The following CHST8 variants were observed in gnomAD, a reference collection of about 807,000 sequenced individuals.
CHST8 encodes the protein carbohydrate sulfotransferase 8.
In CHST8, 10 loss-of-function variants were observed where a neutral mutation model predicts 15.0. The ratio of observed to expected loss-of-function variants is 0.67; its 90% confidence interval spans 0.41 to 1.13. CHST8 has a LOEUF of 1.13. CHST8 is among the 50% of genes most tolerant of loss of function. The pLI is 0.00. For missense variants in CHST8, 634 were observed against 608.2 expected (o/e 1.04, Z -0.45); for synonymous variants, 259 against 256.6 (o/e 1.01, Z -0.09).
intron 2 of CHST8, 45 bp from the exon 3 acceptor site, chr19:33,689,131 G>A: frequency 1.8e-6 from 2 of 1,127,512 alleles, no homozygotes; most frequent in African/African-American, 1.6e-5. Context: ...CACCTGCCCG[G>A]GTGCCTCGCG....
chr19:33,768,037 C>G (rs1974886664), intron 3 of CHST8, among the ~76,000 whole-genome samples: 1 of 152,166 alleles, frequency 6.6e-6, no homozygotes, highest in Non-Finnish European at 1.5e-5. Context: ...CTGTACTTCC[C>G]TGAGCGCTGA....
intron 3 of CHST8, among the ~76,000 whole-genome samples, chr19:33,763,406 C>T (rs1974774385): frequency 6.6e-6 from 1 of 152,202 alleles, no homozygotes; most frequent in Non-Finnish European, 1.5e-5. Context: ...GTGTGTCTGG[C>T]CTGACTGCTG....
chr19:33,773,081 C>T lies in CHST8; in HGVS notation c.*18C>T, dbSNP rs751182326. 1.5e-5 allele frequency: 24 copies of T among 1,571,486 alleles called. 1 individual carries two copies. Among genetic ancestry groups the T allele is most frequent in the South Asian group, 1.0e-4 (9 of 86,764 alleles). ...TGTACTGAGGGGCGCCGCAGCTGGC[C>T]GGGGCCGCCCTGCCCCGGTCACTCA... On this transcript the variant is annotated 3_prime_UTR_variant, in exon 5 of 5. Transcript: ENST00000650847.
chr19:33,716,646 A>C lies in CHST8; in HGVS notation c.130+27255A>C, dbSNP rs117023183. On this transcript the variant is annotated intron_variant, in intron 3 of 4. Transcript: ENST00000650847. Reference sequence around the variant, plus strand: ...GCCTCTCAAGGTGCTGGAATTACAGATGTGAGCCACCACACCCAGCCACCT... The same window carrying C: ...GCCTCTCAAGGTGCTGGAATTACAGCTGTGAGCCACCACACCCAGCCACCT... Among the ~76,000 whole-genome samples, 133 of 152,250 alleles carry C rather than the reference A, an allele frequency of 8.7e-4. 1 individual carries two copies. In the East Asian group the frequency reaches 0.024, roughly 28 times the overall value.
intron 2 of CHST8, among the ~76,000 whole-genome samples, chr19:33,685,403 T>C (rs12460026): frequency 6.6e-6 from 1 of 150,842 alleles, no homozygotes; most frequent in Non-Finnish European, 1.5e-5. Flanking sequence ...CATTCAGGCC[T>C]GGGGGAGAAA....
At chr19:33,656,969 T>A (rs2145217009) in intron 1 of CHST8, among the ~76,000 whole-genome samples, 1 of 152,310 alleles carries the variant, frequency 6.6e-6, no homozygotes, top group African/African-American at 2.4e-5. Flanking sequence ...ATGTTATATA[T>A]GCATATCACA....
intron 3 of CHST8, among the ~76,000 whole-genome samples, chr19:33,705,292 G>A (rs144665404): frequency 1.5e-3 from 231 of 152,288 alleles, no homozygotes; most frequent in Admixed American, 5.5e-3. Context: ...AACAGTGGCT[G>A]CACAGAGCCC....
intron 3 of CHST8, among the ~76,000 whole-genome samples, chr19:33,694,169 CATATATATATAT>C (rs397842550): frequency 0.031 from 1,236 of 40,040 alleles, 17 homozygotes; most frequent in East Asian, 0.079. Flanking sequence ...GTAGTTTATT[CATATATATATAT>C]ATATATATAT....
At chr19:33,698,521 C>T (rs868026902) in intron 3 of CHST8, among the ~76,000 whole-genome samples, 11 of 151,864 alleles carry the variant, frequency 7.2e-5, no homozygotes, top group Non-Finnish European at 1.3e-4. Flanking sequence ...CCAAGGATAT[C>T]GCATGCAGTG....
chr19:33,687,010 G>A (rs568851063), intron 2 of CHST8, among the ~76,000 whole-genome samples: 8 of 152,336 alleles, frequency 5.3e-5, no homozygotes, highest in East Asian at 3.9e-4. Flanking sequence ...CCCCTGTGTC[G>A]GTGCGTGACA....
At chr19:33,758,955 A>G (rs1243082615) in intron 3 of CHST8, among the ~76,000 whole-genome samples, 1 of 151,814 alleles carries the variant, frequency 6.6e-6, no homozygotes, top group East Asian at 1.9e-4. Flanking sequence ...GCTTTTACTC[A>G]TGGCAGCGGG....
chr19:33,637,312 A>C (rs1972217361), intron 1 of CHST8, among the ~76,000 whole-genome samples: 1 of 151,986 alleles, frequency 6.6e-6, no homozygotes, highest in South Asian at 2.1e-4. Flanking sequence ...CATTTTACCC[A>C]GCCCCTATTC....
intron 3 of CHST8, among the ~76,000 whole-genome samples, chr19:33,763,328 G>GC (rs1328837900): frequency 6.6e-6 from 1 of 152,184 alleles, no homozygotes; most frequent in African/African-American, 2.4e-5. Flanking sequence ...AGGGGAAGAA[G>GC]CCCCCCACCC....
rs377086522 is a variant in CHST8 at position 33,757,383 on chromosome 19, AAAAG to A, written c.131-14027_131-14024del. On this transcript the variant is annotated intron_variant, in intron 3 of 4. Coordinates refer to ENST00000650847, the MANE Select transcript of CHST8 (RefSeq NM_001127895.2). ...CAACAGAGTGAGACGCGGTCTCAAA[AAAAG>A]AAGAAAGAAAGAAAGAAAGAAAGAA... Among the ~76,000 whole-genome samples, 2 of 108,866 alleles carry A rather than the reference AAAAG, an allele frequency of 1.8e-5. 1 individual carries two copies. Among genetic ancestry groups the A allele is most frequent in the Admixed American group, 2.2e-4 (2 of 9,228 alleles). 71.4% of individuals were successfully genotyped at this position (108,866 alleles called of 152,430 possible). A position where few individuals can be genotyped will look rare whatever the true frequency, so the allele number is the denominator to read the frequency against.
At chr19:33,711,446 G>A (rs981992463) in intron 3 of CHST8, among the ~76,000 whole-genome samples, 4 of 152,134 alleles carry the variant, frequency 2.6e-5, no homozygotes, top group Admixed American at 2.0e-4. Flanking sequence ...CTGTGGCCTG[G>A]TGTAATTATT....
chr19:33,635,382 C>A (rs1026833168), intron 1 of CHST8, among the ~76,000 whole-genome samples: 1 of 152,110 alleles, frequency 6.6e-6, no homozygotes, highest in Non-Finnish European at 1.5e-5. Context: ...GGTTTTGAGA[C>A]CCAGTCACTG....
chr19:33,761,236 C>T (rs1974721246), intron 3 of CHST8, among the ~76,000 whole-genome samples: 1 of 152,214 alleles, frequency 6.6e-6, no homozygotes, highest in Non-Finnish European at 1.5e-5. Context: ...GGCACGGTGG[C>T]TTATGCCTGT....
At chr19:33,767,494 A>G (rs1166062923) in intron 3 of CHST8, among the ~76,000 whole-genome samples, 3 of 152,256 alleles carry the variant, frequency 2.0e-5, no homozygotes, top group Non-Finnish European at 4.4e-5. Context: ...CTAAACGCTG[A>G]GAACTTCAGC....
intron 1 of CHST8, among the ~76,000 whole-genome samples, chr19:33,667,127 C>T (rs1440480277): frequency 6.6e-6 from 1 of 152,124 alleles, no homozygotes; most frequent in Non-Finnish European, 1.5e-5. Flanking sequence ...CCAGCATCAC[C>T]CCATCTTGAA....
Sources: gnomAD v4.1 joint callset for allele counts (sites outside exome capture counted in the v4.1 genomes callset) on GRCh38, gnomAD v4.1.1 for gene constraint, MANE v1.5 for transcripts, NCBI Gene and HGNC (gene_info 2026-07-23, HGNC 2026-07-21) for gene names.